Variants in KAZN observed in about 807,000 individuals in gnomAD.
KAZN encodes the protein kazrin.
Under a neutral mutation model 87.4 loss-of-function variants are expected in KAZN, and 40 were observed. That is an observed-to-expected ratio of 0.46 (90% CI 0.36 to 0.60). The LOEUF (loss-of-function observed/expected upper bound fraction) is 0.60. KAZN is among the 20% of genes least tolerant of loss of function. The pLI is 0.00. For missense variants in KAZN, 898 were observed against 1,073.9 expected (o/e 0.84, Z 2.29); for synonymous variants, 466 against 458.3 (o/e 1.02, Z -0.22).
intron 1 of KAZN, among the ~76,000 whole-genome samples, chr1:14,170,178 A>G (rs907641362): frequency 1.3e-5 from 2 of 152,146 alleles, no homozygotes; most frequent in Non-Finnish European, 2.9e-5. Flanking sequence ...AGCCCAATTC[A>G]GGCACCACGT....
intron 1 of KAZN, among the ~76,000 whole-genome samples, chr1:13,985,955 T>G (rs1408275525): frequency 1.3e-5 from 2 of 152,246 alleles, no homozygotes; most frequent in African/African-American, 4.8e-5. Flanking sequence ...TGTTTCTACT[T>G]TTGGCTATTA....
intron 2 of KAZN, among the ~76,000 whole-genome samples, chr1:14,570,535 G>A (rs977718858): frequency 2.6e-5 from 4 of 152,012 alleles, no homozygotes; most frequent in Admixed American, 6.6e-5. Flanking sequence ...CATGTTTTTG[G>A]GGTTCACTCC....
intron 2 of KAZN, among the ~76,000 whole-genome samples, chr1:14,563,153 C>T (rs1337094954): frequency 6.6e-6 from 1 of 152,220 alleles, no homozygotes; most frequent in Non-Finnish European, 1.5e-5. Flanking sequence ...CTGCTCCAAG[C>T]ACCAAGGCCT....
At chr1:14,219,403 T>C (rs1356104562) in intron 2 of KAZN, among the ~76,000 whole-genome samples, 2 of 152,186 alleles carry the variant, frequency 1.3e-5, no homozygotes, top group Non-Finnish European at 2.9e-5. Flanking sequence ...AAACTAAGCA[T>C]TTATTTAATG....
chr1:14,686,651 C>A (rs189661332), intron 1 of KAZN, among the ~76,000 whole-genome samples: 28 of 152,370 alleles, frequency 1.8e-4, no homozygotes, highest in Admixed American at 4.6e-4. Context: ...TAGGCACCCT[C>A]CCTCAGCTTT....
intron 2 of KAZN, among the ~76,000 whole-genome samples, chr1:14,458,578 G>T (rs1008015280): frequency 6.6e-6 from 1 of 152,158 alleles, no homozygotes; most frequent in Non-Finnish European, 1.5e-5. Flanking sequence ...CCTTTTCTCC[G>T]GGGAGGCTCT....
At chr1:14,475,638 A>G (rs1668676291) in intron 2 of KAZN, among the ~76,000 whole-genome samples, 1 of 152,208 alleles carries the variant, frequency 6.6e-6, no homozygotes, top group Non-Finnish European at 1.5e-5. Context: ...GTTATAAACT[A>G]TTCAGTATTT....
chr1:14,087,290 T>C (rs1421551577), intron 1 of KAZN, among the ~76,000 whole-genome samples: 1 of 152,194 alleles, frequency 6.6e-6, no homozygotes, highest in Non-Finnish European at 1.5e-5. Context: ...GAAATACAAA[T>C]TATTGTTGTA....
intron 1 of KAZN, among the ~76,000 whole-genome samples, chr1:14,922,910 G>A (rs1397305567): frequency 6.6e-6 from 1 of 152,166 alleles, no homozygotes; most frequent in African/African-American, 2.4e-5. Flanking sequence ...GGGGGAAGCT[G>A]GGAAGGCCAT....
At chr1:14,521,345 C>A (rs564617194) in intron 2 of KAZN, among the ~76,000 whole-genome samples, 39 of 152,310 alleles carry the variant, frequency 2.6e-4, no homozygotes, top group Admixed American at 1.4e-3. Context: ...GCCCCTCCAA[C>A]CCTTCAGAAT....
At chr1:14,630,434 C>T (rs879654706) in intron 1 of KAZN, among the ~76,000 whole-genome samples, 1 of 152,190 alleles carries the variant, frequency 6.6e-6, no homozygotes, top group Non-Finnish European at 1.5e-5. Context: ...TGCCTGTAAT[C>T]CCAGGAATTT....
chr1:14,834,279 A>G (rs1572605499), intron 1 of KAZN, among the ~76,000 whole-genome samples: 1 of 146,904 alleles, frequency 6.8e-6, no homozygotes, highest in South Asian at 2.2e-4. Context: ...CAGGCGATCC[A>G]CCTACCTCGG....
intron 1 of KAZN, among the ~76,000 whole-genome samples, chr1:14,802,232 C>G (rs1021080759): frequency 1.3e-5 from 2 of 151,828 alleles, no homozygotes; most frequent in South Asian, 2.1e-4. Context: ...ATGACAAAAC[C>G]GTCTCTACTC....
chr1:14,007,823 A>C (rs1231609390), intron 1 of KAZN, among the ~76,000 whole-genome samples: 1 of 152,172 alleles, frequency 6.6e-6, no homozygotes, highest in Admixed American at 6.5e-5. Context: ...CTGTCCGATA[A>C]TGATTTTTAA....
intron 2 of KAZN, among the ~76,000 whole-genome samples, chr1:15,016,270 C>G (rs1670089253): frequency 6.6e-6 from 1 of 152,126 alleles, no homozygotes; most frequent in African/African-American, 2.4e-5. Context: ...CTTCTGGCCT[C>G]TGAAACTACC....
At chr1:14,728,192 AGGAGAATC>A (rs1643498817) in intron 1 of KAZN, among the ~76,000 whole-genome samples, 1 of 149,348 alleles carries the variant, frequency 6.7e-6, no homozygotes, top group Admixed American at 6.7e-5. Flanking sequence ...AGGCTGAGGC[AGGAGAATC>A]GCTTGAACTT....
chr1:14,837,262 G>A (rs947780463), intron 1 of KAZN, among the ~76,000 whole-genome samples: 24 of 150,566 alleles, frequency 1.6e-4, no homozygotes, highest in South Asian at 8.5e-4. Context: ...GCAATAGTGC[G>A]GTCTTGGCTC....
chr1:14,364,195 G>A (rs1029677638), intron 2 of KAZN, among the ~76,000 whole-genome samples: 1 of 152,070 alleles, frequency 6.6e-6, no homozygotes, highest in African/African-American at 2.4e-5. Context: ...TTCTGCCGCT[G>A]ATGCATCAGA....
At chr1:14,209,872 C>T (rs572320314) in intron 2 of KAZN, among the ~76,000 whole-genome samples, 126 of 152,304 alleles carry the variant, frequency 8.3e-4, no homozygotes, top group Non-Finnish European at 1.6e-3. Flanking sequence ...TATTGGTACC[C>T]ACTGAGAGTT....
Sources: gnomAD v4.1 joint callset for allele counts (sites outside exome capture counted in the v4.1 genomes callset) on GRCh38, gnomAD v4.1.1 for gene constraint, MANE v1.5 for transcripts, NCBI Gene and HGNC (gene_info 2026-07-23, HGNC 2026-07-21) for gene names.